AKAP9: variants seen among roughly 807,000 people sequenced by gnomAD.
The protein encoded by AKAP9 is A-kinase anchoring protein 9, also known as A-kinase anchor protein 9.
AKAP9 carries 311 observed loss-of-function variants against 488.5 expected under a neutral mutation model. The ratio of observed to expected loss-of-function variants is 0.64; its 90% CI spans 0.58 to 0.70. AKAP9 has a LOEUF of 0.70. Among genes scored for constraint, AKAP9 ranks in the 30% least tolerant of loss-of-function variants. AKAP9 has a pLI of 0.00. For synonymous variants in AKAP9, 1,462 were observed against 1,483.5 expected, an observed-to-expected ratio of 0.99 and a Z score of 0.33; for missense variants, 4,215 against 4,374.5, an observed-to-expected ratio of 0.96 and a Z score of 1.03.
Position 92,084,863 on chromosome 7 carries a change from C to A in AKAP9, c.8755C>A (p.Gln2919Lys), listed in dbSNP as rs1197135606. 1.2e-6 allele frequency: 2 copies of A among 1,612,916 alleles called. No homozygotes were observed. Among genetic ancestry groups the A allele is most frequent in the South Asian group, 2.2e-5 (2 of 90,990 alleles). The change falls in exon 35 of 50, where the codon CAG becomes AAG. Residue 2919 changes from glutamine to lysine, a missense_variant. Coordinates refer to ENST00000356239, the MANE Select transcript of AKAP9 (RefSeq NM_005751.5). ...TCAGGGAATTTATCTTACACACAGT[C>A]AGGGATTTGACATAGCATCAGAAGG... ...WGQGIYLTHS[Q>K]GFDIASEGRG...
At chr7:92,047,077 T>C (rs1807128125) in intron 21 of AKAP9, among the ~76,000 whole-genome samples, 1 of 152,196 alleles carries the variant, frequency 6.6e-6, no homozygotes. Flanking sequence ...GCACAGAGGA[T>C]TATATTTATG....
At position 92,096,796 on chromosome 7, in the gene AKAP9, A is replaced by G; in HGVS notation, c.9837A>G (p.Ser3279=). ...ACGAATCCCAGCAAAAAATAGAATCACAGAGAATGCTATATGATGCCCAGT... is the reference window on the plus strand; with the variant it reads ...ACGAATCCCAGCAAAAAATAGAATCGCAGAGAATGCTATATGATGCCCAGT... ...LLNESQQKIE[S]QRMLYDAQLS... Residue 3279 remains serine (S), a synonymous_variant, in exon 41 of 50, where the codon TCA becomes TCG. Coordinates refer to ENST00000356239, the MANE Select transcript of AKAP9 (RefSeq NM_005751.5). 2 of 1,614,252 alleles carry G rather than the reference A, an allele frequency of 1.2e-6. No homozygotes were observed. The highest frequency in any genetic ancestry group is 2.2e-5 in the South Asian group (2 of 91,086).
At chr7:91,992,803 T>G in intron 4 of AKAP9, 82 bp from the exon 5 acceptor site, 1 of 1,334,332 alleles carries the variant, frequency 7.5e-7, no homozygotes, top group Non-Finnish European at 1.1e-6. Context: ...AAGTGGACCT[T>G]GCTATGGATT....
At position 91,940,959 on chromosome 7, in the gene AKAP9, A is replaced by T. The variant is rs1381798502; in HGVS notation, c.-141A>T. 4 of 882,666 alleles carry T rather than the reference A, an allele frequency of 4.5e-6. No homozygotes were observed. In the East Asian group the frequency reaches 7.4e-5, roughly 16 times the overall value. 54.7% of individuals were successfully genotyped at this position (882,666 alleles called of 1,614,324 possible). On this transcript the variant is annotated 5_prime_UTR_variant, in exon 1 of 50. Transcript: ENST00000356239. ...GCCAGTGAGCGCGGAGACTGCTTCC[A>T]CTTCGGGCGGGGGAGCGCCGGACCG...
chr7:92,066,632 G>A (rs1272212697), intron 26 of AKAP9, 86 bp downstream of exon 26: 2 of 1,502,780 alleles, frequency 1.3e-6, no homozygotes, highest in Non-Finnish European at 1.8e-6. Context: ...CTTAAAAGTG[G>A]ATTCTTTCCT....
At chr7:91,971,334 C>A (rs28615927) in intron 1 of AKAP9, among the ~76,000 whole-genome samples, 62,856 of 151,874 alleles carry the variant, frequency 0.41, 13,457 homozygotes, top group African/African-American at 0.51. Flanking sequence ...TTATAAAAAA[C>A]TTTTAATCTT....
At chr7:92,090,101 A>G (rs962954800) in intron 38 of AKAP9, 1 of 152,258 alleles carries the variant, frequency 6.6e-6, no homozygotes, top group Non-Finnish European at 1.5e-5. Context: ...CTATCTATTT[A>G]TATATTCCTA....
chr7:92,104,743 G>T (rs1818248646), intron 46 of AKAP9, among the ~76,000 whole-genome samples: 3 of 152,084 alleles, frequency 2.0e-5, no homozygotes, highest in African/African-American at 4.8e-5. Context: ...TAGTCTCCTG[G>T]TTTCATTTAC....
At chr7:91,979,876 T>G (rs530978732) in intron 2 of AKAP9, among the ~76,000 whole-genome samples, 2 of 152,306 alleles carry the variant, frequency 1.3e-5, no homozygotes, top group African/African-American at 4.8e-5. Context: ...GAATTGTTTA[T>G]TTTTGGAATT....
intron 22 of AKAP9, among the ~76,000 whole-genome samples, chr7:92,056,933 T>C (rs1175017828): frequency 6.6e-6 from 1 of 152,048 alleles, no homozygotes; most frequent in Non-Finnish European, 1.5e-5. Context: ...ACTTTCATTA[T>C]TGAAAATCTT....
In AKAP9 at chr7:91,998,488, C is replaced by CTT. The variant is rs1217731980; in HGVS notation, c.931-2358_931-2357dup. 2.7e-5 allele frequency among the ~76,000 whole-genome samples: 3 copies of CTT among 109,128 alleles called. No homozygotes were observed. In the East Asian group the frequency reaches 8.7e-4, roughly 32 times the overall value. The allele number at this position is 109,128 out of a possible 152,430, so 71.6% of individuals were successfully genotyped here. On this transcript the variant is annotated intron_variant, in intron 7 of 49. Transcript: ENST00000356239. ...AGAGTAAGTGGTTTAAAACCATGTA[C>CTT]TTTGAAATAAGTGATACTAAGAAAA...
intron 20 of AKAP9, among the ~76,000 whole-genome samples, chr7:92,044,370 A>G (rs574356935): frequency 4.3e-4 from 66 of 152,288 alleles, no homozygotes; most frequent in South Asian, 1.0e-3. Context: ...CAGATGTAAT[A>G]AAAACGGCCT....
chr7:91,965,668 T>C (rs1221491400), intron 1 of AKAP9, among the ~76,000 whole-genome samples: 2 of 152,212 alleles, frequency 1.3e-5, no homozygotes, highest in African/African-American at 2.4e-5. Context: ...AGGGCTCTTC[T>C]CTCTCCACAT....
At chr7:92,100,742 TTGTC>T (rs1351709779) in intron 44 of AKAP9, 110 bp from the exon 45 acceptor site, 30 of 1,210,834 alleles carry the variant, frequency 2.5e-5, no homozygotes, top group Middle Eastern at 2.0e-4. Context: ...GCTTTGAACT[TTGTC>T]TGGGTGGGGT....
At chr7:92,036,161 G>C (rs1169677504) in intron 16 of AKAP9, among the ~76,000 whole-genome samples, 1 of 151,928 alleles carries the variant, frequency 6.6e-6, no homozygotes, top group Non-Finnish European at 1.5e-5. Context: ...CCAGAACTTT[G>C]AAGGTAACAT....
At chr7:92,096,268 T>C (rs1816545901) in intron 40 of AKAP9, among the ~76,000 whole-genome samples, 1 of 151,974 alleles carries the variant, frequency 6.6e-6, no homozygotes, top group African/African-American at 2.4e-5. Flanking sequence ...AGTTCTATTT[T>C]CTAATAAAGA....
chr7:91,961,246 G>A (rs1793693128), intron 1 of AKAP9, among the ~76,000 whole-genome samples: 1 of 151,556 alleles, frequency 6.6e-6, no homozygotes, highest in Non-Finnish European at 1.5e-5. Context: ...TGTGACCTCC[G>A]CCTCCCGGGT....
chr7:92,020,335 A>T (rs944091468), intron 12 of AKAP9, among the ~76,000 whole-genome samples: 1 of 152,060 alleles, frequency 6.6e-6, no homozygotes, highest in Non-Finnish European at 1.5e-5. Flanking sequence ...TCTGCATAAT[A>T]CTGCCCATCC....
rs143473686 is a variant in AKAP9, at chr7:91,993,476, C to T, written c.576+421C>T. ...AAAGAAGGGGGTTTTAAAATGGTAA[C>T]TTAGTGGGACACAGTGGCATGCACC... is the stretch of plus-strand genomic sequence containing the variant. On this transcript the variant is annotated intron_variant, in intron 5 of 49. Coordinates refer to ENST00000356239, the MANE Select transcript of AKAP9 (RefSeq NM_005751.5). 4.6e-5 allele frequency among the ~76,000 whole-genome samples: 7 copies of T among 152,050 alleles called. No homozygotes were observed. The East Asian group carries it at 1.4e-3, about 29-fold the overall frequency.
Sources: gnomAD v4.1 joint callset for allele counts (sites outside exome capture counted in the v4.1 genomes callset) on GRCh38, gnomAD v4.1.1 for gene constraint, MANE v1.5 for transcripts, NCBI Gene and HGNC (gene_info 2026-07-23, HGNC 2026-07-21) for gene names.